Variants in ARID1B observed in about 807,000 individuals in gnomAD.
The protein encoded by ARID1B is AT-rich interactive domain-containing protein 1B.
In ARID1B, 30 loss-of-function variants were observed where a neutral mutation model predicts 212.3. The observed-to-expected ratio is 0.14, with a 90% confidence interval of 0.11 to 0.19. The LOEUF (loss-of-function observed/expected upper bound fraction) is 0.19. ARID1B is among the 10% of genes least tolerant of loss of function. The pLI is 1.00. For synonymous variants in ARID1B, 1,402 were observed against 1,301.7 expected, an observed-to-expected ratio of 1.08 and a Z score of -1.66; for missense variants, 2,891 against 3,204.0, an observed-to-expected ratio of 0.90 and a Z score of 2.36.
At chr6:156,878,494 G>T (rs527614688) in intron 2 of ARID1B, among the ~76,000 whole-genome samples, 2 of 152,196 alleles carry the variant, frequency 1.3e-5, no homozygotes, top group Non-Finnish European at 2.9e-5. Flanking sequence ...GGGTATTGCT[G>T]TGTGTACTGC....
chr6:157,140,521 T>C (rs1029204928), intron 7 of ARID1B: 2 of 397,870 alleles, frequency 5.0e-6, no homozygotes, highest in Non-Finnish European at 8.9e-6. Flanking sequence ...ATTTTATCTA[T>C]TCATTGTCAG....
chr6:156,992,690 G>A (rs1040191771), intron 4 of ARID1B, among the ~76,000 whole-genome samples: 2 of 152,180 alleles, frequency 1.3e-5, no homozygotes, highest in African/African-American at 4.8e-5. Context: ...CTCCAGAGCA[G>A]CCGTGGCCTG....
Position 156,934,915 on chromosome 6 carries a change from TATATATATATATATATATATATA to T in ARID1B, c.2137-550_2137-528del, listed in dbSNP as rs1792047845. ...TCATAATAAATTTAGTTGTTAATTA[TATATATATATATATATATATATA>T]TATATATATATATATATATATATAG... On this transcript the variant is annotated intron_variant, in intron 3 of 19. Coordinates refer to ENST00000636930, the MANE Select transcript of ARID1B (RefSeq NM_001374828.1). Among the ~76,000 whole-genome samples the T allele has an allele frequency of 2.1e-4, 8 of 39,012 alleles. No individual in the cohort carries two copies. In the South Asian group the frequency reaches 3.3e-3, roughly 16 times the overall value. The allele number at this position is 39,012 out of a possible 152,430, so 25.6% of individuals were successfully genotyped here.
intron 8 of ARID1B, among the ~76,000 whole-genome samples, chr6:157,158,329 A>AT (rs908649144): frequency 2.5e-4 from 38 of 152,150 alleles, no homozygotes; most frequent in African/African-American, 8.7e-4. Context: ...TTTTAGGAGG[A>AT]TTTTTTAAAG....
intron 2 of ARID1B, among the ~76,000 whole-genome samples, chr6:156,874,234 T>C (rs930574105): frequency 1.7e-4 from 26 of 152,142 alleles, no homozygotes; most frequent in African/African-American, 6.0e-4. Context: ...CTGGCTAATT[T>C]TTAAATTTTT....
chr6:156,777,864 G>A lies in ARID1B; in HGVS notation c.184G>A (p.Gly62Ser). 7.4e-7 allele frequency: 1 copy of A among 1,343,938 alleles called. No homozygotes were observed. The highest frequency in any genetic ancestry group is 9.5e-7 in the Non-Finnish European group (1 of 1,054,288). 83.3% of individuals were successfully genotyped at this position (1,343,938 alleles called of 1,614,324 possible). ...ACCGGGACCCATGCTGGGGGGCGGC[G>A]GCGACGGCGGCGGCGGCCTGAACAG... is the stretch of plus-strand genomic sequence containing the variant. ...AAPGPMLGGG[G>S]DGGGGLNSVH... Residue 62 changes from glycine to serine, a missense_variant, in exon 1 of 20, where the codon GGC becomes AGC. Around this residue, in one of 7 missense-constraint regions of ARID1B, gnomAD observed 1,643 missense variants for 1,544.0 expected, o/e 1.06. Transcript: ENST00000636930.
At chr6:156,830,504 C>A (rs1783072959) in intron 2 of ARID1B, among the ~76,000 whole-genome samples, 1 of 152,208 alleles carries the variant, frequency 6.6e-6, no homozygotes, top group Non-Finnish European at 1.5e-5. Context: ...ATTAACAGTT[C>A]ATCAGTAGGT....
At chr6:156,800,279 G>A (rs1780682736) in intron 1 of ARID1B, among the ~76,000 whole-genome samples, 1 of 152,138 alleles carries the variant, frequency 6.6e-6, no homozygotes, top group African/African-American at 2.4e-5. Flanking sequence ...GCTTTGTGTG[G>A]CTATTTAAAT....
At chr6:157,072,870 G>C (rs1199541505) in intron 4 of ARID1B, among the ~76,000 whole-genome samples, 1 of 152,178 alleles carries the variant, frequency 6.6e-6, no homozygotes, top group Admixed American at 6.5e-5. Flanking sequence ...ACACCACTGG[G>C]AAGTACTACA....
chr6:157,133,892 T>G (rs1481210381), intron 7 of ARID1B, among the ~76,000 whole-genome samples: 1 of 152,174 alleles, frequency 6.6e-6, no homozygotes, highest in Non-Finnish European at 1.5e-5. Context: ...TTTATCAAGG[T>G]TTTTAACCTG....
chr6:156,994,036 C>G (rs1050916511), intron 4 of ARID1B, among the ~76,000 whole-genome samples: 4 of 152,160 alleles, frequency 2.6e-5, no homozygotes, highest in African/African-American at 9.7e-5. Context: ...TGAAGTTTGT[C>G]AGGTATGTAG....
intron 5 of ARID1B, among the ~76,000 whole-genome samples, chr6:157,085,453 CTG>C (rs1436407128): frequency 6.6e-6 from 1 of 152,206 alleles, no homozygotes; most frequent in Non-Finnish European, 1.5e-5. Flanking sequence ...CTGGTTAACT[CTG>C]TGTTCATTTA....
Position 156,872,057 on chromosome 6 carries a change from G to A in ARID1B, c.1987-29319G>A, listed in dbSNP as rs369083139. On this transcript the variant is annotated intron_variant, in intron 2 of 19. Coordinates refer to ENST00000636930, the MANE Select transcript of ARID1B (RefSeq NM_001374828.1). ...ATATTGTACGCTGACATATTGTTGG[G>A]AAGTTGGAATAGAGTCTGTGTAGAA... Among the ~76,000 whole-genome samples, 19 of 152,330 alleles carry A rather than the reference G, an allele frequency of 1.2e-4. No homozygotes were observed. The South Asian group carries it at 2.7e-3, about 22-fold the overall frequency.
chr6:156,867,925 T>C (rs1397906103), intron 2 of ARID1B, among the ~76,000 whole-genome samples: 1 of 152,268 alleles, frequency 6.6e-6, no homozygotes, highest in Non-Finnish European at 1.5e-5. Flanking sequence ...AACGAGTTGC[T>C]GTATTCACGT....
At chr6:156,963,058 A>C (rs1794507414) in intron 4 of ARID1B, among the ~76,000 whole-genome samples, 1 of 152,200 alleles carries the variant, frequency 6.6e-6, no homozygotes, top group South Asian at 2.1e-4. Flanking sequence ...CTGGGATTAC[A>C]GGTGTGAGCC....
chr6:156,819,842 C>G (rs1055016256), intron 1 of ARID1B, among the ~76,000 whole-genome samples: 3 of 152,126 alleles, frequency 2.0e-5, no homozygotes, highest in African/African-American at 7.2e-5. Flanking sequence ...AGGAGGAGAA[C>G]AGAGCTCATT....
intron 4 of ARID1B, among the ~76,000 whole-genome samples, chr6:157,001,886 C>T (rs1282589709): frequency 9.9e-5 from 15 of 152,138 alleles, no homozygotes; most frequent in African/African-American, 2.7e-4. Flanking sequence ...TGAGTTTTGG[C>T]GATAGGTCGC....
chr6:157,147,791 T>G (rs994096646), intron 7 of ARID1B, among the ~76,000 whole-genome samples: 1 of 38,502 alleles, frequency 2.6e-5, no homozygotes, highest in Non-Finnish European at 4.9e-5. Context: ...CTGCCCTCCG[T>G]CCCTCACCTC....
chr6:157,139,515 GT>G, intron 7 of ARID1B, among the ~76,000 whole-genome samples: 1 of 152,146 alleles, frequency 6.6e-6, no homozygotes, highest in Non-Finnish European at 1.5e-5. Flanking sequence ...CCTGCAGGGG[GT>G]GCCTTTCCCC....
Sources: allele counts gnomAD v4.1 joint callset (sites outside exome capture counted in the v4.1 genomes callset), GRCh38; gene constraint gnomAD v4.1.1; regional missense constraint gnomAD v4.1.1; transcripts MANE v1.5; gene names NCBI Gene and HGNC (gene_info 2026-07-23, HGNC 2026-07-21).